The following WNT7B variants were observed in gnomAD, a reference collection of about 807,000 sequenced individuals.
WNT7B encodes protein Wnt-7b.
Under a neutral mutation model 38.2 loss-of-function variants are expected in WNT7B, and 19 were observed. That is an observed-to-expected ratio of 0.50 (90% confidence interval 0.35 to 0.73). The LOEUF (loss-of-function observed/expected upper bound fraction) is 0.73. WNT7B is among the 30% of genes least tolerant of loss of function. WNT7B has a pLI of 0.01. For synonymous variants in WNT7B, 243 were observed against 209.3 expected, an observed-to-expected ratio of 1.16 and a Z score of -1.39; for missense variants, 423 against 507.9, an observed-to-expected ratio of 0.83 and a Z score of 1.61.
chr22:45,940,370 C>G (rs2146722506), intron 2 of WNT7B, among the ~76,000 whole-genome samples: 1 of 152,284 alleles, frequency 6.6e-6, no homozygotes, highest in South Asian at 2.1e-4. Flanking sequence ...CCACTCCACA[C>G]CCACCGGGAC....
intron 2 of WNT7B, among the ~76,000 whole-genome samples, chr22:45,943,893 G>C (rs893836481): frequency 3.9e-5 from 6 of 152,204 alleles, no homozygotes; most frequent in African/African-American, 1.4e-4. Flanking sequence ...GCCGAGGGAG[G>C]GGCCCTACCC....
chr22:45,925,248 G>C (rs1931048248), intron 3 of WNT7B: 1 of 982,436 alleles, frequency 1.0e-6, no homozygotes, highest in Non-Finnish European at 1.2e-6. Flanking sequence ...TGCTGTGTGG[G>C]CCCTAGGCTG....
intron 2 of WNT7B, among the ~76,000 whole-genome samples, chr22:45,947,196 G>C (rs1185553437): frequency 6.6e-6 from 1 of 152,250 alleles, no homozygotes; most frequent in Middle Eastern, 3.2e-3. Context: ...TTCTCAGAAG[G>C]GATGTGGGGA....
chr22:45,947,109 C>T (rs1363508193), intron 2 of WNT7B, among the ~76,000 whole-genome samples: 1 of 152,248 alleles, frequency 6.6e-6, no homozygotes, highest in East Asian at 1.9e-4. Context: ...TGACTCCCCG[C>T]AGCTGAGCCC....
intron 3 of WNT7B, among the ~76,000 whole-genome samples, chr22:45,930,580 C>T (rs143460224): frequency 1.3e-5 from 2 of 152,232 alleles, no homozygotes; most frequent in South Asian, 2.1e-4. Context: ...CACCACACTC[C>T]GTCCCGCCCC....
intron 3 of WNT7B, chr22:45,926,507 G>T (rs775116350): frequency 1.7e-5 from 17 of 985,334 alleles, no homozygotes; most frequent in Non-Finnish European, 2.0e-5. Flanking sequence ...AGGCAGGGGA[G>T]TCATGGGGTT....
rs115017158 is a variant in WNT7B at position 45,944,050 on chromosome 22, C to A, written c.298+5870G>T. Among the ~76,000 whole-genome samples, 600 of 152,296 alleles carry A rather than the reference C, an allele frequency of 3.9e-3. 6 individuals carry two copies. Among genetic ancestry groups the A allele is most frequent in the African/African-American group, 0.014 (574 of 41,562 alleles). On this transcript the variant is annotated intron_variant, in intron 2 of 3. Coordinates refer to ENST00000339464, the MANE Select transcript of WNT7B (RefSeq NM_058238.3). The stretch of plus-strand genomic sequence containing the variant: ...GGCAGAGTCCCAGCCCCCACCTCGG[C>A]CCCTCATGAGGCAGGTGGGGCATCA...
rs1930929523 is a variant in WNT7B, at chr22:45,921,606, C to T, written c.*1250G>A. 1 of 152,158 alleles carries T rather than the reference C, an allele frequency of 6.6e-6. No homozygotes were observed. The highest frequency in any genetic ancestry group is 2.4e-5 in the African/African-American group (1 of 41,416). The allele number at this position is 152,158 out of a possible 1,614,324, so 9.4% of individuals were successfully genotyped here. A position where few individuals can be genotyped will look rare whatever the true frequency, so the allele number is the denominator to read the frequency against. On this transcript the variant is annotated 3_prime_UTR_variant, in exon 4 of 4. Coordinates refer to ENST00000339464, the MANE Select transcript of WNT7B (RefSeq NM_058238.3). ...CCTGACCACTCACCACCTGCCTGAC[C>T]CCCGCGGCAGCACTGTCCCAGGGGT...
chr22:45,972,542 G>GTCGC (rs1932471815), intron 1 of WNT7B: 1 of 163,510 alleles, frequency 6.1e-6, no homozygotes. Context: ...AACCGGCTCT[G>GTCGC]TCGCTCGCTC....
At chr22:45,929,321 C>A (rs963478323) in intron 3 of WNT7B, among the ~76,000 whole-genome samples, 2 of 152,232 alleles carry the variant, frequency 1.3e-5, no homozygotes, top group African/African-American at 4.8e-5. Context: ...CTGTGAGTTC[C>A]TTGGAGGCAA....
chr22:45,947,310 G>A (rs1469929466), intron 2 of WNT7B, among the ~76,000 whole-genome samples: 1 of 152,266 alleles, frequency 6.6e-6, no homozygotes, highest in East Asian at 1.9e-4. Context: ...AAGAGCTTCT[G>A]TTTAACTCAG....
At position 45,977,000 on chromosome 22, in the gene WNT7B, C is replaced by T; in HGVS notation, c.-246G>A. The T allele has an allele frequency of 1.0e-6, 1 of 986,220 alleles. No homozygotes were observed. The highest frequency in any genetic ancestry group is 1.2e-6 in the Non-Finnish European group (1 of 830,922). 61.1% of individuals were successfully genotyped at this position (986,220 alleles called of 1,614,324 possible). ...GGCTGGGGGCCGCGACCTCGAAGCCCGGTTGAGCGACCGTGGACCCCTGCA... is the reference window on the plus strand; with the variant it reads ...GGCTGGGGGCCGCGACCTCGAAGCCTGGTTGAGCGACCGTGGACCCCTGCA... On this transcript the variant is annotated 5_prime_UTR_variant, in exon 1 of 4. Transcript: ENST00000339464. This position sits in a 1 kb window ranked among gnomAD's most constrained non-coding sequence, Gnocchi z 8.5.
chr22:45,925,831 C>A, intron 3 of WNT7B: 3 of 985,450 alleles, frequency 3.0e-6, no homozygotes, highest in Non-Finnish European at 3.6e-6. Context: ...CTCAGATGGG[C>A]CTGGATGGCC....
chr22:45,945,284 C>T (rs10283935), intron 2 of WNT7B, among the ~76,000 whole-genome samples: 5,560 of 152,152 alleles, frequency 0.037, 363 homozygotes, highest in African/African-American at 0.13. Context: ...GGCTTCACCA[C>T]GTTAGGCTGG....
At chr22:45,932,866 C>G (rs1011570845) in intron 2 of WNT7B, among the ~76,000 whole-genome samples, 3 of 150,782 alleles carry the variant, frequency 2.0e-5, no homozygotes, top group African/African-American at 7.5e-5. Flanking sequence ...CTGCCCAGCA[C>G]CCGCGAGCAC....
chr22:45,949,304 G>A (rs1931871163), intron 2 of WNT7B, among the ~76,000 whole-genome samples: 1 of 152,068 alleles, frequency 6.6e-6, no homozygotes, highest in Non-Finnish European at 1.5e-5. Flanking sequence ...TGATTGCTTG[G>A]TGTCCATCAA....
intron 2 of WNT7B, among the ~76,000 whole-genome samples, chr22:45,947,092 C>G (rs1427314485): frequency 6.6e-6 from 1 of 152,224 alleles, no homozygotes; most frequent in African/African-American, 2.4e-5. Flanking sequence ...GCCCCTCTTC[C>G]TGCTCATGAC....
intron 1 of WNT7B, chr22:45,972,257 C>T (rs1303043984): frequency 6.4e-6 from 4 of 626,846 alleles, no homozygotes; most frequent in South Asian, 1.7e-5. Flanking sequence ...GCGTGCCTGG[C>T]GGGGCTGAAC....
At chr22:45,923,749 A>G (rs575150407) in intron 3 of WNT7B, among the ~76,000 whole-genome samples, 1 of 152,144 alleles carries the variant, frequency 6.6e-6, no homozygotes, top group Non-Finnish European at 1.5e-5. Context: ...TGCTTAATAA[A>G]TGCTCATTAC....
Sources: gnomAD v4.1 joint callset for allele counts (sites outside exome capture counted in the v4.1 genomes callset) on GRCh38, gnomAD v4.1.1 for gene constraint, Gnocchi (gnomAD v3.1) non-coding constraint, MANE v1.5 for transcripts, NCBI Gene and HGNC (gene_info 2026-07-23, HGNC 2026-07-21) for gene names.